The following WWOX variants were observed in gnomAD, a reference collection of about 807,000 sequenced individuals.
The protein encoded by WWOX is WW domain-containing oxidoreductase.
In WWOX, 69 loss-of-function variants were observed where a neutral mutation model predicts 46.2. That is an observed-to-expected ratio of 1.49 (90% CI 1.23 to 1.82). The LOEUF (loss-of-function observed/expected upper bound fraction) is 1.82. Ranked by LOEUF, WWOX falls within the 40% of genes most tolerant of loss-of-function variation. WWOX has a pLI of 0.00. For missense variants in WWOX, 919 were observed against 542.6 expected (o/e 1.69, Z -6.89); for synonymous variants, 359 against 202.6 (o/e 1.77, Z -6.56).
intron 8 of WWOX, among the ~76,000 whole-genome samples, chr16:78,830,670 T>C (rs566336364): frequency 1.5e-4 from 23 of 151,796 alleles, no homozygotes; most frequent in African/African-American, 5.3e-4. Flanking sequence ...GCAGCACCGA[T>C]TGGGGCTGAC....
chr16:79,075,823 C>A (rs1267230378), intron 8 of WWOX, among the ~76,000 whole-genome samples: 1 of 152,104 alleles, frequency 6.6e-6, no homozygotes, highest in Non-Finnish European at 1.5e-5. Context: ...ACCTCGGCAG[C>A]CTGTTTCCTT....
chr16:78,327,396 G>T (rs2080647953), intron 5 of WWOX, among the ~76,000 whole-genome samples: 1 of 152,080 alleles, frequency 6.6e-6, no homozygotes, highest in African/African-American at 2.4e-5. Context: ...TGAATCTGGG[G>T]CATCTTCACT....
intron 5 of WWOX, among the ~76,000 whole-genome samples, chr16:78,329,484 G>A (rs1458395358): frequency 6.6e-6 from 1 of 152,212 alleles, no homozygotes; most frequent in Non-Finnish European, 1.5e-5. Context: ...TTGAGGCTTC[G>A]TGGCAAATGT....
chr16:78,519,063 G>T (rs1428576670), intron 8 of WWOX, among the ~76,000 whole-genome samples: 1 of 152,202 alleles, frequency 6.6e-6, no homozygotes, highest in African/African-American at 2.4e-5. Flanking sequence ...TCTTATACAT[G>T]AGACAGCTAT....
chr16:79,203,378 T>C (rs894318791), intron 8 of WWOX: 3 of 152,196 alleles, frequency 2.0e-5, no homozygotes, highest in Admixed American at 6.5e-5. Context: ...GGGCTGGACA[T>C]TGGGGGCCTA....
chr16:78,591,928 G>A (rs368348051), intron 8 of WWOX, among the ~76,000 whole-genome samples: 8 of 152,284 alleles, frequency 5.3e-5, no homozygotes, highest in African/African-American at 1.7e-4. Flanking sequence ...CTGTACAGAT[G>A]CGCTCAAGCG....
chr16:78,584,842 A>G lies in WWOX; in HGVS notation c.1056+152090A>G, dbSNP rs117474542. Among the ~76,000 whole-genome samples the G allele has an allele frequency of 7.2e-5, 11 of 152,342 alleles. No individual in the cohort carries two copies. In the East Asian group the frequency reaches 1.4e-3, roughly 19 times the overall value. ...TGTAAAAGTTCAAGCTATATGCTTA[A>G]TATTTGTGCACGTCGGTGCGTGTAA... On this transcript the variant is annotated intron_variant, in intron 8 of 8. Coordinates refer to ENST00000566780, the MANE Select transcript of WWOX (RefSeq NM_016373.4).
At chr16:78,481,652 T>C (rs1054740886) in intron 8 of WWOX, among the ~76,000 whole-genome samples, 1 of 144,988 alleles carries the variant, frequency 6.9e-6, no homozygotes, top group African/African-American at 2.7e-5. Flanking sequence ...AAAAAGAATG[T>C]TTTCCCAACA....
intron 6 of WWOX, among the ~76,000 whole-genome samples, chr16:78,422,660 C>CGTGTATATATATATATATATAT (rs2082959449): frequency 1.5e-4 from 1 of 6,526 alleles, no homozygotes; most frequent in African/African-American, 3.8e-4. Context: ...GTTTTTTTTA[C>CGTGTATATATATATATATATAT]ATGTATATAT....
intron 8 of WWOX, among the ~76,000 whole-genome samples, chr16:78,469,119 G>C (rs58735146): frequency 2.0e-5 from 3 of 152,174 alleles, no homozygotes; most frequent in African/African-American, 7.2e-5. Flanking sequence ...TCAGATTTCA[G>C]AGGCAAATGG....
At chr16:78,837,145 G>A (rs2052009420) in intron 8 of WWOX, among the ~76,000 whole-genome samples, 1 of 152,102 alleles carries the variant, frequency 6.6e-6, no homozygotes, top group Non-Finnish European at 1.5e-5. Context: ...AAAAGAGCAG[G>A]TGGAAACTTA....
chr16:78,310,161 C>G (rs1244457873), intron 5 of WWOX, among the ~76,000 whole-genome samples: 1 of 151,930 alleles, frequency 6.6e-6, no homozygotes, highest in Non-Finnish European at 1.5e-5. Context: ...TAACTGTATC[C>G]AAAAGTAATA....
intron 8 of WWOX, among the ~76,000 whole-genome samples, chr16:79,197,375 C>G (rs2051261176): frequency 6.6e-6 from 1 of 152,192 alleles, no homozygotes; most frequent in Admixed American, 6.5e-5. Context: ...TACATTTCCT[C>G]CCAACTCTGC....
In WWOX at chr16:79,212,418, A is replaced by C. The variant is rs1329359420; in HGVS notation, c.*622A>C. ...AGTACTTGTCATAGACTCCTTTGCTAATGCTATGCAAAAAATTCTTTAGAG... is the reference window on the plus strand; with the variant it reads ...AGTACTTGTCATAGACTCCTTTGCTCATGCTATGCAAAAAATTCTTTAGAG... On this transcript the variant is annotated 3_prime_UTR_variant, in exon 9 of 9. Coordinates refer to ENST00000566780, the MANE Select transcript of WWOX (RefSeq NM_016373.4). 2 of 368,108 alleles carry C rather than the reference A, an allele frequency of 5.4e-6. No individual in the cohort carries two copies. Among genetic ancestry groups the C allele is most frequent in the African/African-American group, 4.0e-5 (2 of 49,548 alleles). 22.8% of individuals were successfully genotyped at this position (368,108 alleles called of 1,614,324 possible).
At chr16:78,980,172 C>T (rs1269622008) in intron 8 of WWOX, among the ~76,000 whole-genome samples, 2 of 152,278 alleles carry the variant, frequency 1.3e-5, no homozygotes, top group South Asian at 2.1e-4. Context: ...CCTCCAACTC[C>T]CACCCCAAAT....
intron 5 of WWOX, among the ~76,000 whole-genome samples, chr16:78,370,763 C>G (rs966424120): frequency 1.6e-5 from 2 of 123,680 alleles, no homozygotes; most frequent in East Asian, 2.5e-4. Flanking sequence ...AACTTTTAAA[C>G]TTTAAACTTT....
chr16:78,789,290 T>C (rs1312834920), intron 8 of WWOX, among the ~76,000 whole-genome samples: 1 of 152,224 alleles, frequency 6.6e-6, no homozygotes, highest in African/African-American at 2.4e-5. Flanking sequence ...GCACTTATGT[T>C]AAGACTTTTG....
chr16:79,057,275 G>A (rs1028576056), intron 8 of WWOX, among the ~76,000 whole-genome samples: 1 of 152,170 alleles, frequency 6.6e-6, no homozygotes, highest in Non-Finnish European at 1.5e-5. Flanking sequence ...GTTTATTCCA[G>A]CTGATTCTCC....
intron 4 of WWOX, among the ~76,000 whole-genome samples, chr16:78,115,567 C>T (rs777181357): frequency 6.6e-6 from 1 of 152,180 alleles, no homozygotes. Flanking sequence ...CTACAGGTTT[C>T]GACTGGTCAC....
Sources: allele counts gnomAD v4.1 joint callset (sites outside exome capture counted in the v4.1 genomes callset), GRCh38; gene constraint gnomAD v4.1.1; transcripts MANE v1.5; gene names NCBI Gene and HGNC (gene_info 2026-07-23, HGNC 2026-07-21).